The following RBFOX1 variants were observed in gnomAD, a reference collection of about 807,000 sequenced individuals.
RBFOX1 encodes RNA binding fox-1 homolog 1.
A neutral mutation model predicts 57.7 loss-of-function variants in RBFOX1; 8 were observed. The ratio of observed to expected loss-of-function variants is 0.14; its 90% CI spans 0.08 to 0.25. RBFOX1 has a LOEUF of 0.25. Ranked by LOEUF, RBFOX1 falls within the 10% of genes least tolerant of loss-of-function variation. The probability of loss-of-function intolerance (pLI) is 1.00; values close to 1 mark genes in which losing one functional copy is unlikely to be tolerated. For synonymous variants in RBFOX1, 326 were observed against 222.4 expected, an observed-to-expected ratio of 1.47 and a Z score of -4.15; for missense variants, 611 against 548.5, an observed-to-expected ratio of 1.11 and a Z score of -1.14.
intron 4 of RBFOX1, among the ~76,000 whole-genome samples, chr16:7,100,871 CT>C (rs1282613091): frequency 2.0e-5 from 3 of 152,118 alleles, no homozygotes; most frequent in Non-Finnish European, 4.4e-5. Flanking sequence ...ATACTGAATG[CT>C]TGTGAAGTTA....
chr16:7,308,329 T>G (rs2096240923), intron 4 of RBFOX1, among the ~76,000 whole-genome samples: 1 of 149,884 alleles, frequency 6.7e-6, no homozygotes, highest in South Asian at 2.2e-4. Context: ...TTTAATGTCC[T>G]GAAAGAGGAT....
chr16:6,765,184 C>T (rs970337402), intron 3 of RBFOX1, among the ~76,000 whole-genome samples: 17 of 151,970 alleles, frequency 1.1e-4, no homozygotes, highest in African/African-American at 4.1e-4. Flanking sequence ...GAATGCAGCA[C>T]GTGGTAAGGG....
chr16:5,886,689 AC>A (rs1243652519), intron 4 of RBFOX1, among the ~76,000 whole-genome samples: 2 of 152,152 alleles, frequency 1.3e-5, no homozygotes, highest in Non-Finnish European at 2.9e-5. Context: ...GGAGTTTTGG[AC>A]CAGCCTGGCC....
chr16:7,425,602 C>T (rs772583615), intron 4 of RBFOX1, among the ~76,000 whole-genome samples: 1 of 152,148 alleles, frequency 6.6e-6, no homozygotes, highest in Non-Finnish European at 1.5e-5. Context: ...TCCTCTTGCT[C>T]ATTCTGTTTC....
intron 2 of RBFOX1, among the ~76,000 whole-genome samples, chr16:6,470,365 C>A (rs1294416488): frequency 6.6e-6 from 1 of 152,164 alleles, no homozygotes; most frequent in Non-Finnish European, 1.5e-5. Context: ...AAATGTGTGA[C>A]TATATTGATA....
chr16:6,011,380 T>A (rs192146076), intron 4 of RBFOX1, among the ~76,000 whole-genome samples: 1 of 152,316 alleles, frequency 6.6e-6, no homozygotes, highest in East Asian at 1.9e-4. Context: ...AGTGTTTTTT[T>A]TTTATTGGCC....
chr16:7,679,722 C>T (rs185176057), intron 14 of RBFOX1, among the ~76,000 whole-genome samples: 2 of 152,120 alleles, frequency 1.3e-5, no homozygotes, highest in Admixed American at 6.6e-5. Flanking sequence ...CACCTTGCAA[C>T]TCCCTGCCCA....
intron 4 of RBFOX1, among the ~76,000 whole-genome samples, chr16:7,175,902 G>T (rs1334555585): frequency 2.0e-5 from 3 of 151,998 alleles, no homozygotes; most frequent in African/African-American, 7.3e-5. Context: ...GCATATAAAG[G>T]CCCAAAGAAA....
At chr16:6,142,189 CAAAAAAA>C (rs71142685) in intron 1 of RBFOX1, among the ~76,000 whole-genome samples, 4 of 49,092 alleles carry the variant, frequency 8.1e-5, no homozygotes, top group Admixed American at 3.9e-4. Flanking sequence ...GCTGCTGCTG[CAAAAAAA>C]AAAAAAAAAA....
intron 1 of RBFOX1, among the ~76,000 whole-genome samples, chr16:6,229,336 C>T (rs555365369): frequency 1.3e-5 from 2 of 152,336 alleles, no homozygotes; most frequent in East Asian, 1.9e-4. Flanking sequence ...TTCCTCTGCA[C>T]GCAGTGCAGA....
intron 1 of RBFOX1, among the ~76,000 whole-genome samples, chr16:5,463,590 A>G (rs1000648195): frequency 5.9e-5 from 9 of 152,148 alleles, no homozygotes; most frequent in Admixed American, 2.0e-4. Flanking sequence ...ACCTGAGGTC[A>G]GGAGTTTGAG....
At chr16:7,265,958 G>GTTTTGTTT (rs1567956407) in intron 4 of RBFOX1, among the ~76,000 whole-genome samples, 1 of 107,604 alleles carries the variant, frequency 9.3e-6, no homozygotes, top group Non-Finnish European at 1.7e-5. Flanking sequence ...GATCTGGTGG[G>GTTTTGTTT]TTTTTGTTTT....
At chr16:7,152,812 C>G (rs1463546889) in intron 4 of RBFOX1, among the ~76,000 whole-genome samples, 2 of 152,106 alleles carry the variant, frequency 1.3e-5, no homozygotes, top group Non-Finnish European at 2.9e-5. Context: ...TTTTCCCTCC[C>G]TAGAAGAGAC....
intron 4 of RBFOX1, among the ~76,000 whole-genome samples, chr16:7,436,953 C>T (rs935810930): frequency 2.6e-4 from 40 of 152,070 alleles, no homozygotes; most frequent in African/African-American, 8.9e-4. Context: ...TGGTGATACG[C>T]GCCTGTAATC....
chr16:6,054,094 A>T (rs1392027251), intron 1 of RBFOX1, among the ~76,000 whole-genome samples: 1 of 152,010 alleles, frequency 6.6e-6, no homozygotes, highest in Non-Finnish European at 1.5e-5. Context: ...AATAAATGGC[A>T]CCCCTTGAGT....
chr16:7,015,556 G>T (rs939105387), intron 3 of RBFOX1, among the ~76,000 whole-genome samples: 6 of 152,178 alleles, frequency 3.9e-5, no homozygotes, highest in African/African-American at 1.4e-4. Flanking sequence ...GACTGCTTTG[G>T]ATAGAAGGTT....
At chr16:5,899,275 A>C (rs2058248397) in intron 4 of RBFOX1, among the ~76,000 whole-genome samples, 1 of 152,046 alleles carries the variant, frequency 6.6e-6, no homozygotes, top group Non-Finnish European at 1.5e-5. Flanking sequence ...GGGGAAAGAG[A>C]TCTCAAAGGA....
chr16:7,395,454 G>A (rs933126721), intron 4 of RBFOX1, among the ~76,000 whole-genome samples: 2 of 152,206 alleles, frequency 1.3e-5, no homozygotes, highest in African/African-American at 4.8e-5. Flanking sequence ...TATTGGGGAA[G>A]CTAAGATTTT....
At chr16:7,143,086 A>G (rs967261873) in intron 4 of RBFOX1, among the ~76,000 whole-genome samples, 1 of 152,084 alleles carries the variant, frequency 6.6e-6, no homozygotes, top group Non-Finnish European at 1.5e-5. Flanking sequence ...TTCCTTTCAT[A>G]TAGCATTTGA....
Sources: allele counts gnomAD v4.1 joint callset (sites outside exome capture counted in the v4.1 genomes callset), GRCh38; gene constraint gnomAD v4.1.1; transcripts MANE v1.5; gene names NCBI Gene and HGNC (gene_info 2026-07-23, HGNC 2026-07-21).